DNAH7: variants seen among roughly 807,000 people sequenced by gnomAD.
The protein encoded by DNAH7 is axonemal beta dynein heavy chain 7.
Under a neutral mutation model 444.6 loss-of-function variants are expected in DNAH7, and 397 were observed. That is an observed-to-expected ratio of 0.89 (90% CI 0.82 to 0.97). The LOEUF (loss-of-function observed/expected upper bound fraction) is 0.97, where lower values mean the gene tolerates loss of function less well. DNAH7 is among the 50% of genes least tolerant of loss of function. The pLI, the probability that DNAH7 is intolerant of heterozygous loss-of-function variation, is 0.00. For missense variants in DNAH7, 4,902 were observed against 4,800.8 expected (o/e 1.02, Z -0.62); for synonymous variants, 1,636 against 1,624.4 (o/e 1.01, Z -0.17).
At chr2:195,785,324 A>C (rs897737645) in intron 58 of DNAH7, among the ~76,000 whole-genome samples, 4 of 152,022 alleles carry the variant, frequency 2.6e-5, no homozygotes, top group South Asian at 2.1e-4. Context: ...ATTTTCTCTC[A>C]GTCTGTCTGT....
At chr2:195,933,518 G>A (rs1276007171) in intron 21 of DNAH7, among the ~76,000 whole-genome samples, 1 of 152,142 alleles carries the variant, frequency 6.6e-6, no homozygotes, top group African/African-American at 2.4e-5. Context: ...ATCAGTGATA[G>A]ACTGGATTAA....
chr2:195,743,887 G>A (rs1693206027), intron 63 of DNAH7, among the ~76,000 whole-genome samples: 1 of 152,240 alleles, frequency 6.6e-6, no homozygotes, highest in Admixed American at 6.5e-5. Flanking sequence ...CACCTTTCAA[G>A]ATGGCCAAAT....
chr2:195,778,629 A>AAT (rs1695195024), intron 58 of DNAH7, among the ~76,000 whole-genome samples: 2 of 53,318 alleles, frequency 3.8e-5, no homozygotes, highest in Non-Finnish European at 6.5e-5. Flanking sequence ...AAAAAAAAAA[A>AAT]AAATAAATAA....
intron 15 of DNAH7, among the ~76,000 whole-genome samples, chr2:195,980,061 CAAAAAAAAAAAAAAA>C (rs59664135): frequency 1.3e-5 from 1 of 75,062 alleles, no homozygotes; most frequent in Admixed American, 1.6e-4. Flanking sequence ...CAAACTAATA[CAAAAAAAAAAAAAAA>C]AAAAAAAAAA....
intron 63 of DNAH7, among the ~76,000 whole-genome samples, chr2:195,743,554 G>T (rs1693181990): frequency 6.6e-6 from 1 of 152,168 alleles, no homozygotes; most frequent in Non-Finnish European, 1.5e-5. Context: ...TATGTCTAAA[G>T]TATGGTAAAG....
intron 47 of DNAH7, among the ~76,000 whole-genome samples, chr2:195,844,349 C>G (rs536202187): frequency 1.1e-4 from 17 of 152,140 alleles, no homozygotes; most frequent in African/African-American, 3.6e-4. Flanking sequence ...AGAAAACTGG[C>G]CGAGTGATAA....
chr2:195,919,700 A>T (rs1028298416), intron 24 of DNAH7, among the ~76,000 whole-genome samples: 5 of 152,176 alleles, frequency 3.3e-5, no homozygotes, highest in African/African-American at 1.2e-4. Flanking sequence ...AATTCAATTA[A>T]ATCAGTAGGG....
intron 24 of DNAH7, among the ~76,000 whole-genome samples, chr2:195,915,018 T>C (rs866314675): frequency 2.6e-5 from 4 of 152,332 alleles, no homozygotes; most frequent in South Asian, 4.1e-4. Flanking sequence ...AAACTGCTTT[T>C]CAGTTTGTGG....
intron 12 of DNAH7, chr2:195,999,187 G>T: frequency 1.4e-6 from 1 of 717,436 alleles, no homozygotes; most frequent in African/African-American, 1.7e-5. Flanking sequence ...ATGCTGAAAG[G>T]TGACAGACCT....
At chr2:195,749,892 T>G (rs1387478398) in intron 63 of DNAH7, among the ~76,000 whole-genome samples, 2 of 150,308 alleles carry the variant, frequency 1.3e-5, no homozygotes, top group Non-Finnish European at 3.0e-5. Context: ...AAATGAGGAG[T>G]TAATGGGTGC....
chr2:195,804,776 C>T (rs1019968342), intron 54 of DNAH7, among the ~76,000 whole-genome samples: 1 of 152,180 alleles, frequency 6.6e-6, no homozygotes, highest in African/African-American at 2.4e-5. Context: ...ACAATCCTCC[C>T]ACTTCAAGTG....
At chr2:196,001,902 A>G in intron 10 of DNAH7, 44 bp from the exon 11 acceptor site, 1 of 1,492,340 alleles carries the variant, frequency 6.7e-7, no homozygotes, top group Non-Finnish European at 9.1e-7. Flanking sequence ...CTTTCAGTGA[A>G]TTACTCCTTT....
Position 195,834,265 on chromosome 2 carries a change from T to G in DNAH7, c.9041A>C (p.Lys3014Thr). 1.9e-6 allele frequency: 3 copies of G among 1,609,470 alleles called. No individual in the cohort carries two copies. The highest frequency in any genetic ancestry group is 2.6e-6 in the Non-Finnish European group (3 of 1,176,304). The stretch of plus-strand genomic sequence containing the variant: ...CCTGACATAGTCAGGTTCACTAAGT[T>G]TAATCACATAAAGACTATTGGCTTT... ...MEKANSLYVI[K>T]LSEPDYVRTL... The change falls in exon 48 of 65, where the codon AAA becomes ACA. Residue 3014 changes from lysine to threonine, a missense_variant. By Grantham distance (78) the Lys-to-Thr change is moderately conservative. Transcript: ENST00000312428.
chr2:195,837,351 G>A (rs192634961), intron 47 of DNAH7, among the ~76,000 whole-genome samples: 1 of 152,220 alleles, frequency 6.6e-6, no homozygotes, highest in East Asian at 1.9e-4. Flanking sequence ...AGATGGGCTG[G>A]GCTTTTTACA....
Position 195,799,491 on chromosome 2 carries a change from A to G in DNAH7, c.10177-19T>C, listed in dbSNP as rs1033467975. 2.6e-6 allele frequency: 4 copies of G among 1,535,020 alleles called. No individual in the cohort carries two copies. Among genetic ancestry groups the G allele is most frequent in the Non-Finnish European group, 3.5e-6 (4 of 1,143,382 alleles). On this transcript the variant is annotated intron_variant, in intron 54 of 64. Transcript: ENST00000312428. Reference sequence around the variant, plus strand: ...GAATAACCTAGAAAGAGACAAGGATATAGTTGGAAGAATATTCAAAATCTG... The same window carrying G: ...GAATAACCTAGAAAGAGACAAGGATGTAGTTGGAAGAATATTCAAAATCTG...
intron 58 of DNAH7, among the ~76,000 whole-genome samples, chr2:195,782,772 C>A (rs973470892): frequency 6.6e-6 from 1 of 152,156 alleles, no homozygotes; most frequent in Non-Finnish European, 1.5e-5. Flanking sequence ...TCAGCTTGCT[C>A]GCTCCTGCTT....
At chr2:195,857,002 T>A (rs1699751647) in intron 44 of DNAH7, among the ~76,000 whole-genome samples, 1 of 152,164 alleles carries the variant, frequency 6.6e-6, no homozygotes. Flanking sequence ...GAAAAACATG[T>A]AAATTTATAA....
chr2:196,012,620 C>A (rs1415487859), intron 10 of DNAH7, among the ~76,000 whole-genome samples, 167 bp downstream of exon 10: 1 of 152,134 alleles, frequency 6.6e-6, no homozygotes, highest in Non-Finnish European at 1.5e-5. Flanking sequence ...CTGTGTAGAA[C>A]ATCTGGACAA....
intron 24 of DNAH7, among the ~76,000 whole-genome samples, chr2:195,916,520 T>C (rs901739522): frequency 4.0e-5 from 5 of 125,918 alleles, no homozygotes; most frequent in Admixed American, 3.1e-4. Flanking sequence ...TCTAAAATAA[T>C]AGTTGGTCAT....
Sources: gnomAD v4.1 joint callset for allele counts (sites outside exome capture counted in the v4.1 genomes callset) on GRCh38, gnomAD v4.1.1 for gene constraint, MANE v1.5 for transcripts, NCBI Gene and HGNC (gene_info 2026-07-23, HGNC 2026-07-21) for gene names.